Variants in SEMA5A observed in about 807,000 individuals in gnomAD.
SEMA5A encodes semaphorin 5A.
In SEMA5A, 55 loss-of-function variants were observed where a neutral mutation model predicts 135.5. That is an observed-to-expected ratio of 0.41 (90% CI 0.33 to 0.51). The LOEUF is 0.51. SEMA5A is among the 20% of genes least tolerant of loss of function. The pLI is 0.37. For synonymous variants in SEMA5A, 580 were observed against 546.5 expected, an observed-to-expected ratio of 1.06 and a Z score of -0.85; for missense variants, 1,290 against 1,419.9, an observed-to-expected ratio of 0.91 and a Z score of 1.47.
At chr5:9,463,128 G>A (rs1341875588) in intron 1 of SEMA5A, among the ~76,000 whole-genome samples, 1 of 152,146 alleles carries the variant, frequency 6.6e-6, no homozygotes, top group African/African-American at 2.4e-5. Context: ...CTCATCTTGT[G>A]GGAAACCATC....
In SEMA5A at chr5:9,441,582, G is replaced by A. The variant is rs530007244; in HGVS notation, c.-174-3730C>T. ...AGGTGAAAAAAAGCAATTCCACAAA[G>A]GTAAAAATCTGGACTGCAATGCCAT... is the stretch of plus-strand genomic sequence containing the variant. On this transcript the variant is annotated intron_variant, in intron 1 of 22. Transcript: ENST00000382496. Among the ~76,000 whole-genome samples, 7 of 152,158 alleles carry A rather than the reference G, an allele frequency of 4.6e-5. No individual in the cohort carries two copies. In the South Asian group the frequency reaches 1.5e-3, roughly 32 times the overall value.
intron 15 of SEMA5A, among the ~76,000 whole-genome samples, chr5:9,110,185 T>C (rs1341555182): frequency 6.6e-6 from 1 of 152,116 alleles, no homozygotes. Flanking sequence ...CTTTACCAAA[T>C]ACAGTGGAAA....
chr5:9,440,963 G>A (rs1758210722), intron 1 of SEMA5A, among the ~76,000 whole-genome samples: 1 of 152,204 alleles, frequency 6.6e-6, no homozygotes, highest in African/African-American at 2.4e-5. Flanking sequence ...TTAGTGGAGT[G>A]ATGAAAAGAA....
intron 5 of SEMA5A, among the ~76,000 whole-genome samples, chr5:9,295,602 G>A: frequency 6.6e-6 from 1 of 152,108 alleles, no homozygotes; most frequent in East Asian, 1.9e-4. Context: ...AAAGTTATCA[G>A]CATGTGAGCT....
At chr5:9,412,181 T>C (rs1462886786) in intron 2 of SEMA5A, among the ~76,000 whole-genome samples, 1 of 151,998 alleles carries the variant, frequency 6.6e-6, no homozygotes, top group Non-Finnish European at 1.5e-5. Flanking sequence ...TTCAGTCTCC[T>C]CCAGGAAGGT....
At chr5:9,066,728 A>G in intron 16 of SEMA5A, 82 bp from the exon 17 acceptor site, 1 of 1,225,748 alleles carries the variant, frequency 8.2e-7, no homozygotes, top group Non-Finnish European at 1.2e-6. Context: ...TTAGGGAAAG[A>G]TAAGGGTCTC....
chr5:9,375,327 T>C (rs997859150), intron 3 of SEMA5A, among the ~76,000 whole-genome samples: 3 of 152,044 alleles, frequency 2.0e-5, no homozygotes, highest in Non-Finnish European at 4.4e-5. Context: ...AGGTTAGCCC[T>C]AAGTTCAACA....
intron 5 of SEMA5A, among the ~76,000 whole-genome samples, chr5:9,309,004 T>C (rs894357186): frequency 1.3e-5 from 2 of 152,134 alleles, no homozygotes; most frequent in African/African-American, 4.8e-5. Flanking sequence ...TTCAAATTAG[T>C]AGGGAATGTT....
intron 2 of SEMA5A, among the ~76,000 whole-genome samples, chr5:9,402,317 G>A (rs369656800): frequency 6.6e-6 from 1 of 152,210 alleles, no homozygotes; most frequent in African/African-American, 2.4e-5. Context: ...AATTTCACAA[G>A]AGATGCTATG....
chr5:9,315,740 G>A (rs534721993), intron 5 of SEMA5A, among the ~76,000 whole-genome samples: 87 of 152,168 alleles, frequency 5.7e-4, no homozygotes, highest in African/African-American at 2.0e-3. Flanking sequence ...ATCTTGCTGC[G>A]TCCTCTGTGC....
intron 5 of SEMA5A, among the ~76,000 whole-genome samples, chr5:9,266,635 A>G (rs985161313): frequency 2.0e-5 from 3 of 152,242 alleles, no homozygotes; most frequent in African/African-American, 7.2e-5. Context: ...GGAAGATTAT[A>G]GCAATGAAAT....
intron 1 of SEMA5A, among the ~76,000 whole-genome samples, chr5:9,503,697 A>G (rs867550076): frequency 6.6e-6 from 1 of 152,204 alleles, no homozygotes; most frequent in Non-Finnish European, 1.5e-5. Flanking sequence ...CTGCTCTTAC[A>G]ATGCCATCTC....
chr5:9,092,059 A>G (rs567711018), intron 16 of SEMA5A, among the ~76,000 whole-genome samples: 23 of 152,238 alleles, frequency 1.5e-4, no homozygotes, highest in Admixed American at 3.9e-4. Context: ...CGGTCTTGGG[A>G]TCTTTCTGAT....
At chr5:9,144,879 C>T (rs962360628) in intron 12 of SEMA5A, among the ~76,000 whole-genome samples, 3 of 152,182 alleles carry the variant, frequency 2.0e-5, no homozygotes, top group African/African-American at 7.2e-5. Flanking sequence ...GAGAAGAATC[C>T]TCCTCTCAGA....
intron 14 of SEMA5A, among the ~76,000 whole-genome samples, chr5:9,121,902 C>T (rs569046475): frequency 6.6e-6 from 1 of 152,278 alleles, no homozygotes; most frequent in Admixed American, 6.5e-5. Flanking sequence ...TTAGTGACTT[C>T]ATAAACAATT....
chr5:9,098,646 C>T (rs1739459058), intron 16 of SEMA5A, among the ~76,000 whole-genome samples: 1 of 152,210 alleles, frequency 6.6e-6, no homozygotes, highest in Non-Finnish European at 1.5e-5. Flanking sequence ...TTCCATCTGA[C>T]TGAGCATTTG....
At chr5:9,415,290 G>GCT (rs1757245269) in intron 2 of SEMA5A, among the ~76,000 whole-genome samples, 1 of 152,206 alleles carries the variant, frequency 6.6e-6, no homozygotes, top group South Asian at 2.1e-4. Flanking sequence ...CCTGGGAACT[G>GCT]CTCAGCATCT....
At chr5:9,108,113 G>A (rs1219235580) in intron 16 of SEMA5A, 27 bp downstream of exon 16, 5 of 1,608,046 alleles carry the variant, frequency 3.1e-6, no homozygotes, top group Non-Finnish European at 4.3e-6. Context: ...TGGATTGTGG[G>A]CTGGGTGTGA....
intron 1 of SEMA5A, among the ~76,000 whole-genome samples, chr5:9,465,887 T>C (rs928708072): frequency 2.0e-5 from 3 of 152,058 alleles, no homozygotes; most frequent in Non-Finnish European, 4.4e-5. Flanking sequence ...TCTGAACAGG[T>C]TCCCCAAACA....
Sources: gnomAD v4.1 joint callset for allele counts (sites outside exome capture counted in the v4.1 genomes callset) on GRCh38, gnomAD v4.1.1 for gene constraint, MANE v1.5 for transcripts, NCBI Gene and HGNC (gene_info 2026-07-23, HGNC 2026-07-21) for gene names.